The following CDH13 variants were observed in gnomAD, a reference collection of about 807,000 sequenced individuals.
The protein encoded by CDH13 is cadherin-13.
Under a neutral mutation model 63.8 loss-of-function variants are expected in CDH13, and 24 were observed. That is an observed-to-expected ratio of 0.38 (90% CI 0.27 to 0.53). The LOEUF (loss-of-function observed/expected upper bound fraction) is 0.53, where lower values mean the gene tolerates loss of function less well. Among genes scored for constraint, CDH13 ranks in the 20% least tolerant of loss-of-function variants. The pLI, the probability that CDH13 is intolerant of heterozygous loss-of-function variation, is 0.85. For missense variants in CDH13, 1,049 were observed against 903.1 expected (o/e 1.16, Z -2.07); for synonymous variants, 503 against 355.3 (o/e 1.42, Z -4.67).
At chr16:83,402,798 T>G (rs750951924) in intron 6 of CDH13, among the ~76,000 whole-genome samples, 9 of 152,248 alleles carry the variant, frequency 5.9e-5, no homozygotes, top group Non-Finnish European at 1.0e-4. Flanking sequence ...TTCTTGGGAT[T>G]TAATTGTATT....
At chr16:83,082,499 G>A (rs927503823) in intron 3 of CDH13, among the ~76,000 whole-genome samples, 1 of 151,962 alleles carries the variant, frequency 6.6e-6, no homozygotes, top group African/African-American at 2.4e-5. Context: ...CAGGTGTGGT[G>A]GTGGGTACCT....
At chr16:83,575,457 G>C (rs867864275) in intron 7 of CDH13, among the ~76,000 whole-genome samples, 2 of 152,298 alleles carry the variant, frequency 1.3e-5, no homozygotes, top group Middle Eastern at 3.4e-3. Context: ...ATCTGAGCCT[G>C]TCCATAGATC....
chr16:83,032,130 C>G lies in CDH13; in HGVS notation c.278C>G (p.Thr93Ser), dbSNP rs371079121. ...ALRNITAVGK[T>S]LFVHARTPHA... is the part of the protein sequence containing the mutation. Reference sequence around the variant, plus strand: ...AGAAACATAACTGCAGTGGGCAAAACTCTGTTCGTCCATGCACGGACCCCC... The same window carrying G: ...AGAAACATAACTGCAGTGGGCAAAAGTCTGTTCGTCCATGCACGGACCCCC... Residue 93 changes from threonine (T) to serine (S), a missense_variant, in exon 3 of 14, where the codon ACT (threonine) becomes AGT (serine). Thr to Ser is a moderately conservative substitution (Grantham distance 58). Transcript: ENST00000567109. 7.4e-6 allele frequency: 12 copies of G among 1,613,490 alleles called. No individual in the cohort carries two copies. The highest frequency in any genetic ancestry group is 5.1e-6 in the Non-Finnish European group (6 of 1,179,770).
rs184676174 is a variant in CDH13 at position 83,410,858 on chromosome 16, T to C, written c.781+65852T>C. Among the ~76,000 whole-genome samples the C allele has an allele frequency of 3.9e-5, 6 of 152,314 alleles. No homozygotes were observed. In the East Asian group the frequency reaches 1.2e-3, roughly 29 times the overall value. Reference sequence around the variant, plus strand: ...CACTAACAACTGCCAAATTTAGTCATCCAAATCACCACGACAATAAGCTCC... The same window carrying C: ...CACTAACAACTGCCAAATTTAGTCACCCAAATCACCACGACAATAAGCTCC... On this transcript the variant is annotated intron_variant, in intron 6 of 13. Transcript: ENST00000567109.
At chr16:83,336,212 A>T (rs2090592440) in intron 5 of CDH13, among the ~76,000 whole-genome samples, 1 of 151,442 alleles carries the variant, frequency 6.6e-6, no homozygotes, top group Admixed American at 6.6e-5. Context: ...GAGACAGGAG[A>T]ATCGCTTGAA....
intron 1 of CDH13, among the ~76,000 whole-genome samples, chr16:82,815,164 GGT>G (rs2037644697): frequency 6.6e-6 from 1 of 152,108 alleles, no homozygotes; most frequent in Non-Finnish European, 1.5e-5. Context: ...AGTACTGCAT[GGT>G]TAGCAGACAG....
chr16:83,174,478 T>C (rs1344773924), intron 4 of CDH13, among the ~76,000 whole-genome samples: 2 of 152,020 alleles, frequency 1.3e-5, no homozygotes, highest in Non-Finnish European at 2.9e-5. Flanking sequence ...TAATTCAGAA[T>C]ATTTCTGAGC....
intron 6 of CDH13, among the ~76,000 whole-genome samples, chr16:83,436,363 C>G (rs1327730192): frequency 2.6e-5 from 4 of 152,062 alleles, no homozygotes; most frequent in Non-Finnish European, 5.9e-5. Flanking sequence ...CGTACTCTCT[C>G]TAGAGGCTGG....
chr16:83,396,516 A>G (rs2091889079), intron 6 of CDH13: 1 of 151,954 alleles, frequency 6.6e-6, no homozygotes, highest in Non-Finnish European at 1.5e-5. Flanking sequence ...TCTTTTTTGT[A>G]TCATAATGAC....
chr16:83,324,798 C>G (rs1368637363), intron 5 of CDH13, among the ~76,000 whole-genome samples: 2 of 152,210 alleles, frequency 1.3e-5, no homozygotes, highest in Non-Finnish European at 2.9e-5. Flanking sequence ...CATATGCTCA[C>G]TCTAGGCTGA....
chr16:82,971,143 C>G (rs947671986), intron 2 of CDH13, among the ~76,000 whole-genome samples: 2 of 152,096 alleles, frequency 1.3e-5, no homozygotes, highest in African/African-American at 2.4e-5. Flanking sequence ...GCATAAATAC[C>G]CCAACTCCCT....
At chr16:83,383,984 A>C (rs1361249618) in intron 6 of CDH13, among the ~76,000 whole-genome samples, 1 of 152,182 alleles carries the variant, frequency 6.6e-6, no homozygotes, top group Admixed American at 6.5e-5. Flanking sequence ...AAATATACGT[A>C]CATATATATG....
At chr16:83,522,320 T>C (rs2074857867) in intron 7 of CDH13, among the ~76,000 whole-genome samples, 3 of 152,244 alleles carry the variant, frequency 2.0e-5, no homozygotes, top group Admixed American at 6.5e-5. Flanking sequence ...ATTCACTTGA[T>C]GGAGTGTATA....
intron 1 of CDH13, among the ~76,000 whole-genome samples, chr16:82,841,040 C>G (rs2038988563): frequency 1.3e-5 from 2 of 152,196 alleles, no homozygotes; most frequent in African/African-American, 4.8e-5. Context: ...ACTGTGATGA[C>G]AGAAGGCAAA....
chr16:82,722,124 A>G (rs918568041), intron 1 of CDH13, among the ~76,000 whole-genome samples: 1 of 152,210 alleles, frequency 6.6e-6, no homozygotes, highest in Non-Finnish European at 1.5e-5. Context: ...TGTTGTTTCA[A>G]TTTAATTCAG....
chr16:83,071,799 CAGT>C (rs1469774568), intron 3 of CDH13, among the ~76,000 whole-genome samples: 2 of 152,050 alleles, frequency 1.3e-5, no homozygotes, highest in African/African-American at 4.8e-5. Context: ...AAATTTGAGA[CAGT>C]AGGCATGACA....
chr16:82,707,581 G>A (rs760952309), intron 1 of CDH13, among the ~76,000 whole-genome samples: 1 of 152,200 alleles, frequency 6.6e-6, no homozygotes, highest in Non-Finnish European at 1.5e-5. Context: ...ATGACAGAGT[G>A]ACCATAGCAC....
At chr16:83,185,576 C>T (rs111465744) in intron 4 of CDH13, among the ~76,000 whole-genome samples, 1,905 of 152,280 alleles carry the variant, frequency 0.013, 31 homozygotes, top group African/African-American at 0.042. Flanking sequence ...CATACTTGAA[C>T]AGTATCACTT....
At chr16:83,533,424 G>A (rs1162365160) in intron 7 of CDH13, among the ~76,000 whole-genome samples, 3 of 151,908 alleles carry the variant, frequency 2.0e-5, no homozygotes, top group African/African-American at 4.8e-5. Context: ...CCTCCTCTGT[G>A]GGCAGCAGGT....
Sources: gnomAD v4.1 joint callset for allele counts (sites outside exome capture counted in the v4.1 genomes callset) on GRCh38, gnomAD v4.1.1 for gene constraint, MANE v1.5 for transcripts, NCBI Gene and HGNC (gene_info 2026-07-23, HGNC 2026-07-21) for gene names.